Variants in SCEL observed in about 807,000 individuals in gnomAD.
SCEL encodes sciellin.
SCEL carries 113 observed loss-of-function variants against 117.6 expected under a neutral mutation model. That is an observed-to-expected ratio of 0.96 (90% CI 0.83 to 1.12). SCEL has a LOEUF of 1.12. Ranked by LOEUF, SCEL falls within the 50% of genes most tolerant of loss-of-function variation. The pLI is 0.00. For synonymous variants in SCEL, 270 were observed against 256.2 expected (o/e 1.05, Z -0.51); for missense variants, 785 against 810.8 (o/e 0.97, Z 0.39).
At chr13:77,591,347 A>C (rs779388633) in intron 10 of SCEL, 48 bp from the exon 11 acceptor site, 1 of 1,138,524 alleles carries the variant, frequency 8.8e-7, no homozygotes, top group African/African-American at 1.5e-5. Flanking sequence ...TTTATCAAAA[A>C]GTGTTTTCTT....
rs1333527108 is a variant in SCEL, at chr13:77,613,939, G to C, written c.1435G>C (p.Val479Leu). The C allele has an allele frequency of 6.8e-6, 11 of 1,613,368 alleles. No homozygotes were observed. In the South Asian group the frequency reaches 1.2e-4, roughly 18 times the overall value. The change falls in exon 24 of 33, where the codon GTC (valine) becomes CTC (leucine). Residue 479 changes from valine (V) to leucine (L), a missense_variant. By Grantham distance (32) the Val-to-Leu change is conservative. Coordinates refer to ENST00000349847, the MANE Select transcript of SCEL (RefSeq NM_144777.3). ...ACATATTAATGTCAGCCCCAAAGCT[G>C]TCAAAAACACTGATGGGTAAGAGAT... ...DEHINVSPKA[V>L]KNTDGKQDLD...
intron 27 of SCEL, among the ~76,000 whole-genome samples, chr13:77,624,136 AC>A (rs1439349044): frequency 8.3e-6 from 1 of 119,922 alleles, no homozygotes; most frequent in Non-Finnish European, 1.6e-5. Flanking sequence ...ATGGAGTCTC[AC>A]CCTCTTGCCC....
Position 77,597,585 on chromosome 13 carries a change from A to T in SCEL, c.793A>T (p.Asn265Tyr). 7.6e-6 allele frequency: 11 copies of T among 1,456,164 alleles called. No homozygotes were observed. The highest frequency in any genetic ancestry group is 1.0e-5 in the Non-Finnish European group (11 of 1,067,616). The allele number at this position is 1,456,164 out of a possible 1,614,324, so 90.2% of individuals were successfully genotyped here. The part of the protein sequence containing the change: ...DNLIKMNKSL[N>Y]RNQGLDSLFR... ...TCTCATCAAAATGAACAAAAGCTTG[A>T]ATAGGTAAGATTTTTAAATGTTTAT... Residue 265 changes from asparagine to tyrosine, a missense_variant, in exon 13 of 33, where the codon AAT becomes TAT. Coordinates refer to ENST00000349847, the MANE Select transcript of SCEL (RefSeq NM_144777.3).
intron 1 of SCEL, among the ~76,000 whole-genome samples, chr13:77,552,890 G>A (rs1017822787): frequency 3.9e-5 from 6 of 152,166 alleles, no homozygotes; most frequent in South Asian, 4.1e-4. Context: ...TTTGTATAAG[G>A]TGTAAGGAAG....
chr13:77,619,469 G>A (rs565416626), intron 27 of SCEL, among the ~76,000 whole-genome samples: 1 of 152,152 alleles, frequency 6.6e-6, no homozygotes, highest in African/African-American at 2.4e-5. Context: ...GAAAAACAAA[G>A]GATCTGTGGT....
intron 15 of SCEL, chr13:77,600,112 G>A (rs528378190): frequency 5.5e-6 from 1 of 182,158 alleles, no homozygotes; most frequent in African/African-American, 2.4e-5. Flanking sequence ...GCATTTAGGT[G>A]CTGGGAGCAT....
At chr13:77,539,917 T>G (rs1488131116) in intron 1 of SCEL, among the ~76,000 whole-genome samples, 1 of 152,154 alleles carries the variant, frequency 6.6e-6, no homozygotes, top group African/African-American at 2.4e-5. Flanking sequence ...AGGAAGTTAA[T>G]GAAGGGTGCT....
chr13:77,558,950 A>G (rs181921580), intron 3 of SCEL, among the ~76,000 whole-genome samples: 1 of 152,278 alleles, frequency 6.6e-6, no homozygotes, highest in East Asian at 1.9e-4. Flanking sequence ...GCCTTGGCTC[A>G]AATCCAAAGA....
At chr13:77,546,014 C>T (rs1049636332) in intron 1 of SCEL, among the ~76,000 whole-genome samples, 2 of 152,180 alleles carry the variant, frequency 1.3e-5, no homozygotes, top group Non-Finnish European at 2.9e-5. Flanking sequence ...GATCAATGGC[C>T]AGCACTGGAC....
Position 77,602,057 on chromosome 13 carries a change from T to A in SCEL, c.918-8T>A. On this transcript the variant is annotated splice_polypyrimidine_tract_variant and splice_region_variant and intron_variant, in intron 15 of 32. Transcript: ENST00000349847. ...TCTTTCTCTTTCTTTTCCCCCAATGTTGTAAAGAATCCAAAGCCTTGGAAG... is the reference window on the plus strand; with the variant it reads ...TCTTTCTCTTTCTTTTCCCCCAATGATGTAAAGAATCCAAAGCCTTGGAAG... 4 of 1,606,124 alleles carry A rather than the reference T, an allele frequency of 2.5e-6. No individual in the cohort carries two copies. Among genetic ancestry groups the A allele is most frequent in the Non-Finnish European group, 3.4e-6 (4 of 1,176,924 alleles).
In SCEL at chr13:77,637,192, T is replaced by C; in HGVS notation, c.1836T>C (p.Asp612=). ...TACAAACTGTTTATTCAACTTCTGATAGGTGAGTATGTCTTTATTTCCATA... is the reference window on the plus strand; with the variant it reads ...TACAAACTGTTTATTCAACTTCTGACAGGTGAGTATGTCTTTATTTCCATA... ...KYIQTVYSTS[D]RSVIERDMCT... is the part of the protein sequence containing the mutation. The change falls in exon 30 of 33, where the codon GAT becomes GAC. Residue 612 remains aspartate (D), a splice_region_variant and synonymous_variant. Coordinates refer to ENST00000349847, the MANE Select transcript of SCEL (RefSeq NM_144777.3). 1 of 1,510,570 alleles carries C rather than the reference T, an allele frequency of 6.6e-7. No individual in the cohort carries two copies. Among genetic ancestry groups the C allele is most frequent in the Non-Finnish European group, 9.0e-7 (1 of 1,113,578 alleles). The allele number at this position is 1,510,570 out of a possible 1,614,324, so 93.6% of individuals were successfully genotyped here.
At position 77,618,126 on chromosome 13, in the gene SCEL, T is replaced by C. The variant is rs1009940987; in HGVS notation, c.1628+66T>C. 2.2e-5 allele frequency: 27 copies of C among 1,231,504 alleles called. No individual in the cohort carries two copies. In the African/African-American group the frequency reaches 3.6e-4, roughly 16 times the overall value. The allele number at this position is 1,231,504 out of a possible 1,614,324, so 76.3% of individuals were successfully genotyped here. The stretch of plus-strand genomic sequence containing the variant: ...AGGGTAGGAACTTCTCCCTCCCTCC[T>C]TGCCTCCCTGCCTCCCTCCCTTCCT... On this transcript the variant is annotated intron_variant, in intron 27 of 32. Coordinates refer to ENST00000349847, the MANE Select transcript of SCEL (RefSeq NM_144777.3).
chr13:77,565,517 A>G (rs1037437007), intron 5 of SCEL, among the ~76,000 whole-genome samples: 1 of 152,210 alleles, frequency 6.6e-6, no homozygotes, highest in Non-Finnish European at 1.5e-5. Context: ...AAATGTGGAA[A>G]TAGATTTGAG....
intron 12 of SCEL, among the ~76,000 whole-genome samples, chr13:77,596,630 G>C (rs980853463): frequency 6.6e-6 from 1 of 151,900 alleles, no homozygotes; most frequent in Non-Finnish European, 1.5e-5. Flanking sequence ...ACTTGAATGC[G>C]TAACTACTGA....
chr13:77,643,406 AT>A (rs1390169589), intron 32 of SCEL, among the ~76,000 whole-genome samples: 2 of 152,166 alleles, frequency 1.3e-5, no homozygotes, highest in Non-Finnish European at 2.9e-5. Flanking sequence ...TTAAAAGCTA[AT>A]TTAAGAGATG....
intron 4 of SCEL, among the ~76,000 whole-genome samples, chr13:77,563,399 T>C (rs921274502): frequency 2.6e-5 from 4 of 152,338 alleles, no homozygotes; most frequent in African/African-American, 9.6e-5. Flanking sequence ...ATTTAGTCCA[T>C]GGTGCTGGTT....
intron 1 of SCEL, among the ~76,000 whole-genome samples, chr13:77,539,148 C>T (rs1441983488): frequency 4.6e-5 from 7 of 152,070 alleles, no homozygotes. Flanking sequence ...ACCATGATTC[C>T]ATGTGGACAA....
chr13:77,622,222 C>CT (rs1201999961), intron 27 of SCEL, among the ~76,000 whole-genome samples: 1 of 152,112 alleles, frequency 6.6e-6, no homozygotes, highest in East Asian at 1.9e-4. Context: ...GTTTGATACT[C>CT]TATAAAAACA....
chr13:77,631,282 A>G (rs1359888599), intron 28 of SCEL, among the ~76,000 whole-genome samples: 6 of 152,244 alleles, frequency 3.9e-5, no homozygotes, highest in Admixed American at 3.9e-4. Flanking sequence ...ACAAAAAATT[A>G]GTCTTACAAC....
Sources: gnomAD v4.1 joint callset for allele counts (sites outside exome capture counted in the v4.1 genomes callset) on GRCh38, gnomAD v4.1.1 for gene constraint, MANE v1.5 for transcripts, NCBI Gene and HGNC (gene_info 2026-07-23, HGNC 2026-07-21) for gene names.